DSCAM: variants seen among roughly 807,000 people sequenced by gnomAD.
DSCAM encodes cell adhesion molecule DSCAM.
In DSCAM, 47 loss-of-function variants were observed where a neutral mutation model predicts 217.7. The observed-to-expected ratio is 0.22, with a 90% CI of 0.17 to 0.28. DSCAM has a LOEUF of 0.28. DSCAM is among the 10% of genes least tolerant of loss of function. The pLI is 1.00. For missense variants in DSCAM, 2,080 were observed against 2,618.3 expected (o/e 0.79, Z 4.49); for synonymous variants, 1,056 against 1,015.3 (o/e 1.04, Z -0.76).
chr21:40,258,429 A>G (rs1346416990), intron 11 of DSCAM, among the ~76,000 whole-genome samples: 1 of 152,238 alleles, frequency 6.6e-6, no homozygotes. Flanking sequence ...GTGAAATATG[A>G]GCTACTCCTG....
At chr21:40,594,932 G>A (rs461094) in intron 3 of DSCAM, among the ~76,000 whole-genome samples, 50,534 of 151,968 alleles carry the variant, frequency 0.33, 8,611 homozygotes, top group South Asian at 0.46. Flanking sequence ...GCTCCCTGAT[G>A]GAAGGACAGG....
intron 10 of DSCAM, among the ~76,000 whole-genome samples, chr21:40,290,337 T>C (rs1040332609): frequency 3.9e-5 from 6 of 152,156 alleles, no homozygotes; most frequent in African/African-American, 1.4e-4. Flanking sequence ...TTTACCAGAC[T>C]TCAGGGCAGG....
At chr21:40,527,830 C>T (rs1888506) in intron 3 of DSCAM, among the ~76,000 whole-genome samples, 38,089 of 152,062 alleles carry the variant, frequency 0.25, 5,713 homozygotes, top group African/African-American at 0.39. Context: ...GAGGAAGAAC[C>T]GTGGGTGAAA....
At chr21:40,719,312 AG>A (rs1467471750) in intron 1 of DSCAM, among the ~76,000 whole-genome samples, 5 of 152,204 alleles carry the variant, frequency 3.3e-5, no homozygotes, top group Admixed American at 6.5e-5. Context: ...GAATATATTG[AG>A]GGTCTTAAGA....
chr21:40,033,347 G>T (rs1316885200), intron 32 of DSCAM, among the ~76,000 whole-genome samples: 1 of 152,204 alleles, frequency 6.6e-6, no homozygotes, highest in African/African-American at 2.4e-5. Context: ...GCAGGGCGAG[G>T]CATTGCATCA....
At position 40,637,601 on chromosome 21, in the gene DSCAM, A is replaced by G. The variant is rs1290992427; in HGVS notation, c.508+55209T>C. 4.7e-5 allele frequency among the ~76,000 whole-genome samples: 2 copies of G among 42,464 alleles called. 1 individual carries two copies. Among genetic ancestry groups the G allele is most frequent in the Non-Finnish European group, 9.4e-5 (2 of 21,242 alleles). 27.9% of individuals were successfully genotyped at this position (42,464 alleles called of 152,430 possible). A position where few individuals can be genotyped will look rare whatever the true frequency, so the allele number is the denominator to read the frequency against. On this transcript the variant is annotated intron_variant, in intron 3 of 32. Transcript: ENST00000400454. ...TAAATATATACATATATAAATATAT[A>G]TATAAATATATATAAATATATACAT...
At chr21:40,257,498 A>ACACACACACACACACACAC (rs57376473) in intron 11 of DSCAM, among the ~76,000 whole-genome samples, 5 of 150,342 alleles carry the variant, frequency 3.3e-5, no homozygotes, top group African/African-American at 7.4e-5. Flanking sequence ...ACACACACAC[A>ACACACACACACACACACAC]ATGGCAAACG....
At chr21:40,386,683 T>C (rs1168975079) in intron 3 of DSCAM, among the ~76,000 whole-genome samples, 1 of 152,234 alleles carries the variant, frequency 6.6e-6, no homozygotes, top group Non-Finnish European at 1.5e-5. Flanking sequence ...GCACTTCCTA[T>C]GTTTACACTT....
rs62225465 is a variant in DSCAM, at chr21:40,445,271, A to G, written c.509-76026T>C. 5.3e-5 allele frequency among the ~76,000 whole-genome samples: 8 copies of G among 152,242 alleles called. No individual in the cohort carries two copies. In the South Asian group the frequency reaches 6.2e-4, roughly 12 times the overall value. On this transcript the variant is annotated intron_variant, in intron 3 of 32. Transcript: ENST00000400454. ...ATTCTGGGGTGACACCAGCATTCAG[A>G]TCACAGCACCTCAGAAGCTTTAATT...
intron 1 of DSCAM, among the ~76,000 whole-genome samples, chr21:40,771,868 T>C (rs950302642): frequency 2.6e-5 from 4 of 152,180 alleles, no homozygotes; most frequent in African/African-American, 9.7e-5. Context: ...ACGCACATTT[T>C]ATTTTCAGGG....
chr21:40,733,317 C>T (rs939657228), intron 1 of DSCAM, among the ~76,000 whole-genome samples: 12 of 152,150 alleles, frequency 7.9e-5, no homozygotes, highest in Non-Finnish European at 1.8e-4. Flanking sequence ...GTTTCTTTTG[C>T]GGTTTCAATT....
intron 3 of DSCAM, among the ~76,000 whole-genome samples, chr21:40,631,490 C>G (rs949422238): frequency 2.0e-5 from 3 of 152,170 alleles, no homozygotes; most frequent in African/African-American, 7.2e-5. Flanking sequence ...GGGTGATTCA[C>G]CGTTTTCCTC....
At chr21:40,216,522 C>T (rs2091245195) in intron 11 of DSCAM, among the ~76,000 whole-genome samples, 1 of 152,168 alleles carries the variant, frequency 6.6e-6, no homozygotes, top group Non-Finnish European at 1.5e-5. Flanking sequence ...TGATAGAAAT[C>T]ATAGGCTTAT....
chr21:40,814,005 G>A (rs968638210), intron 1 of DSCAM, among the ~76,000 whole-genome samples: 1 of 152,076 alleles, frequency 6.6e-6, no homozygotes, highest in Non-Finnish European at 1.5e-5. Context: ...AGGCAGGCTC[G>A]ATTCCCTGAA....
At chr21:40,069,639 T>C (rs1348924685) in intron 27 of DSCAM, among the ~76,000 whole-genome samples, 1 of 152,208 alleles carries the variant, frequency 6.6e-6, no homozygotes, top group Non-Finnish European at 1.5e-5. Flanking sequence ...CACTTGCAGA[T>C]ATCCACAAAA....
At position 40,083,985 on chromosome 21, in the gene DSCAM, A is replaced by C. The variant is rs2089498692; in HGVS notation, c.4154T>G (p.Leu1385Arg). Residue 1385 changes from leucine to arginine, a missense_variant, in exon 24 of 33, where the codon CTT becomes CGT. This residue lies in a region of DSCAM where 1,144 missense variants were observed against 1,421.1 expected (regional missense o/e 0.81). Transcript: ENST00000400454. ...GGAAGACGTGGTCTTGGAGACTGTA[A>C]GCCGAGGCTGATCTGGTGGAACTGG... Reference protein sequence around the residue: ...QVQVPPDQPRLTVSKTTSSSI... With the variant: ...QVQVPPDQPRRTVSKTTSSSI... The C allele has an allele frequency of 6.2e-7, 1 of 1,613,340 alleles. No individual in the cohort carries two copies. Among genetic ancestry groups the C allele is most frequent in the Non-Finnish European group, 8.5e-7 (1 of 1,179,822 alleles).
At chr21:40,207,789 C>G (rs1016074375) in intron 11 of DSCAM, among the ~76,000 whole-genome samples, 1 of 152,056 alleles carries the variant, frequency 6.6e-6, no homozygotes, top group Admixed American at 6.6e-5. Flanking sequence ...GGTCCAAGAC[C>G]AAGTTGTTGA....
intron 20 of DSCAM, among the ~76,000 whole-genome samples, chr21:40,123,190 G>A (rs954420539): frequency 1.3e-5 from 2 of 152,292 alleles, no homozygotes; most frequent in Admixed American, 1.3e-4. Context: ...TTTCGGTTTT[G>A]TAGAGTTCTG....
chr21:40,613,166 G>C (rs2089339216), intron 3 of DSCAM, among the ~76,000 whole-genome samples: 1 of 152,150 alleles, frequency 6.6e-6, no homozygotes, highest in Non-Finnish European at 1.5e-5. Context: ...ATAAAATTAA[G>C]TTAGATAAAG....
Sources: gnomAD v4.1 joint callset for allele counts (sites outside exome capture counted in the v4.1 genomes callset) on GRCh38, gnomAD v4.1.1 for gene constraint, gnomAD v4.1.1 regional missense constraint, MANE v1.5 for transcripts, NCBI Gene and HGNC (gene_info 2026-07-23, HGNC 2026-07-21) for gene names.